Variants in RBFOX1 observed in about 807,000 individuals in gnomAD.
RBFOX1 encodes RNA binding fox-1 homolog 1.
In RBFOX1, 8 loss-of-function variants were observed where a neutral mutation model predicts 57.7. The observed-to-expected ratio is 0.14, with a 90% CI of 0.08 to 0.25. The LOEUF is 0.25. Ranked by LOEUF, RBFOX1 falls within the 10% of genes least tolerant of loss-of-function variation. The probability of loss-of-function intolerance (pLI) is 1.00; values close to 1 mark genes in which losing one functional copy is unlikely to be tolerated. For missense variants in RBFOX1, 611 were observed against 548.5 expected, an observed-to-expected ratio of 1.11 and a Z score of -1.14; for synonymous variants, 326 against 222.4, an observed-to-expected ratio of 1.47 and a Z score of -4.15.
chr16:5,785,381 G>A (rs187114534), intron 3 of RBFOX1, among the ~76,000 whole-genome samples: 113 of 152,258 alleles, frequency 7.4e-4, no homozygotes, highest in South Asian at 5.4e-3. Flanking sequence ...AGGCATGGGG[G>A]TGGTGGGGCA....
At chr16:5,862,260 A>C (rs2057237995) in intron 3 of RBFOX1, among the ~76,000 whole-genome samples, 1 of 152,194 alleles carries the variant, frequency 6.6e-6, no homozygotes, top group Admixed American at 6.5e-5. Flanking sequence ...GTTTACCTGG[A>C]ATGCCAGTTT....
chr16:5,523,266 A>G (rs1473941194), intron 2 of RBFOX1, among the ~76,000 whole-genome samples: 4 of 151,844 alleles, frequency 2.6e-5, no homozygotes, highest in Non-Finnish European at 5.9e-5. Flanking sequence ...AGCCTGGGTG[A>G]TAGAGCAAGA....
intron 3 of RBFOX1, among the ~76,000 whole-genome samples, chr16:6,687,759 T>C (rs1290683088): frequency 1.3e-5 from 2 of 152,114 alleles, no homozygotes; most frequent in Admixed American, 1.3e-4. Flanking sequence ...CTGTTATAGG[T>C]CAGCCCAGAG....
intron 1 of RBFOX1, among the ~76,000 whole-genome samples, chr16:6,020,414 A>G (rs2095047830): frequency 6.6e-6 from 1 of 152,124 alleles, no homozygotes; most frequent in Admixed American, 6.5e-5. Context: ...GGTGTGCAGG[A>G]GGAGGCATCT....
chr16:5,778,739 C>T (rs13332618), intron 3 of RBFOX1, among the ~76,000 whole-genome samples: 47,178 of 151,774 alleles, frequency 0.31, 7,802 homozygotes, highest in East Asian at 0.55. Context: ...TAGGAGGTGA[C>T]CAGAGAAGAG....
intron 2 of RBFOX1, among the ~76,000 whole-genome samples, chr16:6,554,831 C>G (rs1388024860): frequency 1.3e-5 from 2 of 151,082 alleles, no homozygotes; most frequent in African/African-American, 2.5e-5. Flanking sequence ...CAGACACACA[C>G]AGACTCTCCC....
intron 4 of RBFOX1, among the ~76,000 whole-genome samples, chr16:7,510,551 G>T (rs2074804922): frequency 6.6e-6 from 1 of 152,024 alleles, no homozygotes; most frequent in Non-Finnish European, 1.5e-5. Context: ...TCTGCTTGAT[G>T]TGTGGAACTG....
At chr16:6,588,510 A>C (rs1412580935) in intron 2 of RBFOX1, among the ~76,000 whole-genome samples, 1 of 151,702 alleles carries the variant, frequency 6.6e-6, no homozygotes, top group Non-Finnish European at 1.5e-5. Flanking sequence ...AAAATTAGCC[A>C]GGTGTGGTGG....
At chr16:6,835,790 CAT>C (rs1169870426) in intron 3 of RBFOX1, among the ~76,000 whole-genome samples, 2 of 135,724 alleles carry the variant, frequency 1.5e-5, no homozygotes, top group Non-Finnish European at 3.1e-5. Flanking sequence ...AAGTTTGTAT[CAT>C]GTGTAGCTCT....
intron 3 of RBFOX1, among the ~76,000 whole-genome samples, chr16:6,780,469 T>C (rs1273763008): frequency 2.7e-5 from 3 of 110,716 alleles, no homozygotes; most frequent in African/African-American, 3.6e-5. Flanking sequence ...TATATATTTA[T>C]ATACATTTTT....
At chr16:5,864,624 T>C (rs1381650432) in intron 3 of RBFOX1, among the ~76,000 whole-genome samples, 1 of 152,052 alleles carries the variant, frequency 6.6e-6, no homozygotes, top group African/African-American at 2.4e-5. Context: ...ATATATGCTG[T>C]AGAGTTTTTA....
intron 2 of RBFOX1, among the ~76,000 whole-genome samples, chr16:6,460,350 C>T (rs953420614): frequency 3.3e-5 from 5 of 151,758 alleles, no homozygotes; most frequent in East Asian, 1.9e-4. Context: ...GCAATCTATC[C>T]GTCTGACAAA....
chr16:6,048,505 C>T (rs1241445437), intron 1 of RBFOX1, among the ~76,000 whole-genome samples: 2 of 152,136 alleles, frequency 1.3e-5, no homozygotes, highest in Non-Finnish European at 1.5e-5. Flanking sequence ...AAGTACGTGC[C>T]TTTTCAAATG....
intron 4 of RBFOX1, among the ~76,000 whole-genome samples, chr16:7,063,477 C>A (rs1319293192): frequency 2.0e-5 from 3 of 152,148 alleles, no homozygotes; most frequent in Admixed American, 2.0e-4. Flanking sequence ...AGTGCCATTT[C>A]CTCAGCTCTA....
intron 3 of RBFOX1, among the ~76,000 whole-genome samples, chr16:5,797,227 A>G (rs1235039914): frequency 6.6e-6 from 1 of 152,080 alleles, no homozygotes; most frequent in African/African-American, 2.4e-5. Flanking sequence ...ACTATTCTTT[A>G]CCTTTTGGAT....
intron 1 of RBFOX1, among the ~76,000 whole-genome samples, chr16:5,450,687 C>A (rs1213502813): frequency 1.3e-5 from 2 of 152,132 alleles, no homozygotes; most frequent in Non-Finnish European, 2.9e-5. Flanking sequence ...AGGAAACTTG[C>A]CACCACCACC....
At chr16:5,437,170 A>C (rs1340064679) in intron 1 of RBFOX1, among the ~76,000 whole-genome samples, 1 of 152,178 alleles carries the variant, frequency 6.6e-6, no homozygotes, top group Non-Finnish European at 1.5e-5. Flanking sequence ...TGACAAAAGG[A>C]AATTGAGGGG....
At chr16:6,345,625 T>A (rs1301681974) in intron 2 of RBFOX1, among the ~76,000 whole-genome samples, 1 of 152,196 alleles carries the variant, frequency 6.6e-6, no homozygotes, top group African/African-American at 2.4e-5. Flanking sequence ...ATGGCAGACA[T>A]AATCCTAGGT....
At chr16:6,123,161 A>G (rs1157380246) in intron 1 of RBFOX1, among the ~76,000 whole-genome samples, 2 of 152,196 alleles carry the variant, frequency 1.3e-5, no homozygotes, top group African/African-American at 4.8e-5. Flanking sequence ...GAATACACAC[A>G]AAGGAACTGA....
Sources: allele counts gnomAD v4.1 joint callset (sites outside exome capture counted in the v4.1 genomes callset), GRCh38; gene constraint gnomAD v4.1.1; transcripts MANE v1.5; gene names NCBI Gene and HGNC (gene_info 2026-07-23, HGNC 2026-07-21).